The following SPATA31H1 variants were observed in gnomAD, a reference collection of about 807,000 sequenced individuals.
SPATA31H1 encodes the protein spermatogenesis-associated protein 31H1.
At chr2:27,538,146 A>T in the SPATA31H1 span, among the ~76,000 whole-genome samples, 1 of 152,228 alleles carries the variant, frequency 6.6e-6, no homozygotes, top group African/African-American at 2.4e-5. Flanking sequence ...CAGAGGTCAC[A>T]CTGTAGAGCT....
chr2:27,541,422 A>T, the SPATA31H1 span, among the ~76,000 whole-genome samples: 1 of 151,370 alleles, frequency 6.6e-6, no homozygotes, highest in Non-Finnish European at 1.5e-5. Context: ...GAGAGGGGAG[A>T]GGGGAGAGGG....
the SPATA31H1 span, among the ~76,000 whole-genome samples, chr2:27,539,033 G>C: frequency 6.6e-6 from 1 of 151,734 alleles, no homozygotes; most frequent in Non-Finnish European, 1.5e-5. Context: ...CCCTTGCAAA[G>C]GAGGGAGAAG....
the SPATA31H1 span, chr2:27,582,484 A>G: frequency 2.3e-4 from 363 of 1,612,554 alleles, 2 homozygotes; most frequent in African/African-American, 4.0e-3. Flanking sequence ...ACACATAAAA[A>G]TCCCAAAGCA....
At chr2:27,567,041 C>G in the SPATA31H1 span, 1 of 717,404 alleles carries the variant, frequency 1.4e-6, no homozygotes, top group South Asian at 1.5e-5. Flanking sequence ...TCTCAGAGCC[C>G]CAGAAATCAA....
At chr2:27,560,146 G>A in the SPATA31H1 span, among the ~76,000 whole-genome samples, 4 of 152,034 alleles carry the variant, frequency 2.6e-5, no homozygotes, top group Admixed American at 6.6e-5. Context: ...GATTACAGGC[G>A]TGAGCCACCA....
the SPATA31H1 span, among the ~76,000 whole-genome samples, chr2:27,545,754 G>T: frequency 6.6e-6 from 1 of 151,048 alleles, no homozygotes. Flanking sequence ...TTTTAGGTGG[G>T]GTTTCACCAT....
chr2:27,581,807 C>A, the SPATA31H1 span: 1 of 1,611,140 alleles, frequency 6.2e-7, no homozygotes, highest in Non-Finnish European at 8.5e-7. Flanking sequence ...ATCACAGTCC[C>A]TCTGAGAGAA....
chr2:27,578,703 A>G, the SPATA31H1 span: 4 of 1,614,028 alleles, frequency 2.5e-6, no homozygotes, highest in Admixed American at 1.7e-5. Flanking sequence ...CGTGTGTCAG[A>G]ATAGGGACTG....
the SPATA31H1 span, chr2:27,580,097 A>G: frequency 6.2e-7 from 1 of 1,614,192 alleles, no homozygotes; most frequent in East Asian, 2.2e-5. Context: ...TTGGGAAAAG[A>G]TCCCAAATCT....
the SPATA31H1 span, among the ~76,000 whole-genome samples, chr2:27,566,562 C>T: frequency 6.6e-6 from 1 of 151,604 alleles, no homozygotes; most frequent in African/African-American, 2.4e-5. Context: ...GGAACAGTTT[C>T]CTCCCTTTGT....
At chr2:27,578,944 C>G in the SPATA31H1 span, 3 of 1,613,988 alleles carry the variant, frequency 1.9e-6, no homozygotes, top group Non-Finnish European at 2.5e-6. Context: ...CAATCTTTAA[C>G]TTTTCCTTTG....
the SPATA31H1 span, chr2:27,573,762 C>T: frequency 1.3e-5 from 5 of 398,364 alleles, no homozygotes; most frequent in Non-Finnish European, 2.2e-5. Context: ...TGTGAAGTCT[C>T]CAGCGTTTAC....
chr2:27,570,704 G>A, the SPATA31H1 span: 1 of 398,900 alleles, frequency 2.5e-6, no homozygotes. Flanking sequence ...CAGGGCCAAA[G>A]ATGCAAGGGG....
At chr2:27,582,008 G>A in the SPATA31H1 span, 8 of 1,609,836 alleles carry the variant, frequency 5.0e-6, no homozygotes, top group African/African-American at 6.8e-5. Context: ...CCTTGGAGAG[G>A]AGCCGTCACA....
At chr2:27,576,847 A>G in the SPATA31H1 span, 1 of 1,614,146 alleles carries the variant, frequency 6.2e-7, no homozygotes, top group South Asian at 1.1e-5. Flanking sequence ...AAATCTGTGG[A>G]ATTAGCACCA....
the SPATA31H1 span, among the ~76,000 whole-genome samples, chr2:27,560,700 G>A: frequency 6.6e-6 from 1 of 152,052 alleles, no homozygotes; most frequent in Non-Finnish European, 1.5e-5. Context: ...CTCGTGATCC[G>A]CCTGCCTCGG....
chr2:27,572,545 C>G, the SPATA31H1 span: 7 of 398,208 alleles, frequency 1.8e-5, no homozygotes, highest in Non-Finnish European at 3.1e-5. Flanking sequence ...TGTGTAAAAA[C>G]CTCTGAGTTG....
chr2:27,564,782 G>A, the SPATA31H1 span, among the ~76,000 whole-genome samples: 2 of 151,770 alleles, frequency 1.3e-5, no homozygotes, highest in African/African-American at 2.4e-5. Flanking sequence ...CAGCCTGGGC[G>A]ACAGAGTGAG....
the SPATA31H1 span, chr2:27,582,017 C>T: frequency 6.2e-7 from 1 of 1,613,870 alleles, no homozygotes; most frequent in South Asian, 1.1e-5. Context: ...GGAGCCGTCA[C>T]AGTCTCTTGG....
Sources: allele counts gnomAD v4.1 joint callset (sites outside exome capture counted in the v4.1 genomes callset), GRCh38; gene constraint gnomAD v4.1.1; transcripts MANE v1.5; gene names NCBI Gene and HGNC (gene_info 2026-07-23, HGNC 2026-07-21).